FBXO34: variants seen among roughly 807,000 people sequenced by gnomAD.
FBXO34 encodes F-box protein 34, also known as F-box only protein 34.
Under a neutral mutation model 24.5 loss-of-function variants are expected in FBXO34, and 12 were observed. The observed-to-expected ratio is 0.49, with a 90% CI of 0.31 to 0.79. The LOEUF is 0.79. Ranked by LOEUF, FBXO34 falls within the 30% of genes least tolerant of loss-of-function variation. The pLI is 0.04. For missense variants in FBXO34, 823 were observed against 857.7 expected (o/e 0.96, Z 0.51); for synonymous variants, 320 against 311.9 (o/e 1.03, Z -0.27).
chr14:55,398,597 T>C, the FBXO34 span, among the ~76,000 whole-genome samples: 1 of 151,866 alleles, frequency 6.6e-6, no homozygotes, highest in East Asian at 1.9e-4. Context: ...TTATTGTTTC[T>C]AATTTAATTC....
intron 1 of FBXO34, among the ~76,000 whole-genome samples, chr14:55,306,721 T>C (rs1264291759): frequency 6.6e-6 from 1 of 152,168 alleles, no homozygotes; most frequent in Non-Finnish European, 1.5e-5. Context: ...TAATCCCAGC[T>C]GTTCGGGAGG....
the FBXO34 span, chr14:55,391,244 G>A: frequency 1.6e-5 from 5 of 312,064 alleles, no homozygotes; most frequent in South Asian, 1.7e-4. Context: ...GGGAGGCCAA[G>A]GAGGGCAGAT....
chr14:55,290,192 G>C (rs1000532821), intron 1 of FBXO34, among the ~76,000 whole-genome samples: 4 of 151,960 alleles, frequency 2.6e-5, no homozygotes, highest in African/African-American at 4.8e-5. Context: ...TCAGGAGTTT[G>C]AGACCAGCCT....
At chr14:55,357,702 A>G (rs1322279735), downstream of FBXO34, among the ~76,000 whole-genome samples, 2 of 152,220 alleles carry the variant, frequency 1.3e-5, no homozygotes, top group Non-Finnish European at 2.9e-5. Flanking sequence ...AGCCCCTGCT[A>G]TTCAGGAGGC....
the FBXO34 span, among the ~76,000 whole-genome samples, chr14:55,398,255 T>G: frequency 6.6e-6 from 1 of 152,136 alleles, no homozygotes; most frequent in Non-Finnish European, 1.5e-5. Flanking sequence ...CCAGCATAGT[T>G]ATTATTTTCT....
At chr14:55,298,570 G>T in intron 1 of FBXO34, 1 of 708,338 alleles carries the variant, frequency 1.4e-6, no homozygotes, top group Non-Finnish European at 2.4e-6. Flanking sequence ...AAGCAAATTT[G>T]GCAGGGTGGA....
At chr14:55,367,567 A>C (rs892288796) in exon 3 of FBXO34, 4 of 152,234 alleles carry the variant, frequency 2.6e-5, no homozygotes, top group African/African-American at 9.7e-5. Context: ...ACATGGTGAA[A>C]ACCCCCGTCT....
the FBXO34 span, among the ~76,000 whole-genome samples, chr14:55,420,469 T>G: frequency 6.6e-6 from 1 of 152,230 alleles, no homozygotes; most frequent in Non-Finnish European, 1.5e-5. Flanking sequence ...CTAGGCTAAA[T>G]AGTTTAAGAC....
the FBXO34 span, among the ~76,000 whole-genome samples, chr14:55,410,284 T>C: frequency 6.6e-6 from 1 of 152,208 alleles, no homozygotes; most frequent in Non-Finnish European, 1.5e-5. Flanking sequence ...GATACAAGTC[T>C]GGCAGTCTTA....
At chr14:55,318,085 C>A (rs1020006274) in intron 1 of FBXO34, 5 of 151,798 alleles carry the variant, frequency 3.3e-5, no homozygotes, top group African/African-American at 9.7e-5. Flanking sequence ...TATCTGAGTT[C>A]TTTAACTCTT....
At chr14:55,399,061 T>A in the FBXO34 span, among the ~76,000 whole-genome samples, 2 of 152,164 alleles carry the variant, frequency 1.3e-5, no homozygotes. Context: ...GACAAAGAAG[T>A]CTTTCTAAAA....
intron 1 of FBXO34, among the ~76,000 whole-genome samples, chr14:55,323,058 G>A (rs1337991810): frequency 1.4e-5 from 2 of 144,036 alleles, no homozygotes; most frequent in African/African-American, 2.6e-5. Context: ...GATGGTGGGT[G>A]CCTGTAGTCC....
At chr14:55,401,004 C>T in the FBXO34 span, among the ~76,000 whole-genome samples, 1 of 151,956 alleles carries the variant, frequency 6.6e-6, no homozygotes, top group African/African-American at 2.4e-5. Flanking sequence ...GTGGGCAATC[C>T]TCAAATTTCC....
chr14:55,422,156 T>A, the FBXO34 span, among the ~76,000 whole-genome samples: 1 of 152,160 alleles, frequency 6.6e-6, no homozygotes, highest in Non-Finnish European at 1.5e-5. Flanking sequence ...AAAGGAGTCA[T>A]CCAAAATTAA....
chr14:55,277,074 C>A (rs989344306), intron 1 of FBXO34, among the ~76,000 whole-genome samples: 43 of 152,214 alleles, frequency 2.8e-4, no homozygotes, highest in African/African-American at 1.0e-3. Flanking sequence ...CAAGTTCATA[C>A]ATCTGTGTAA....
At chr14:55,398,853 C>CAA in the FBXO34 span, among the ~76,000 whole-genome samples, 11 of 130,778 alleles carry the variant, frequency 8.4e-5, no homozygotes, top group Middle Eastern at 3.8e-3. Context: ...AGGGCATGGA[C>CAA]AAAAAAAAAA....
intron 1 of FBXO34, among the ~76,000 whole-genome samples, chr14:55,309,850 C>G (rs1053175169): frequency 6.6e-6 from 1 of 152,112 alleles, no homozygotes; most frequent in African/African-American, 2.4e-5. Flanking sequence ...CTTTGGTGAG[C>G]CTGTTATTCC....
intron 1 of FBXO34, among the ~76,000 whole-genome samples, chr14:55,297,205 A>G (rs1882168132): frequency 6.6e-6 from 1 of 152,196 alleles, no homozygotes; most frequent in Non-Finnish European, 1.5e-5. Context: ...TTGTTAGGAA[A>G]GTGATTTGGG....
chr14:55,323,539 C>T (rs1483951140), intron 1 of FBXO34, among the ~76,000 whole-genome samples: 4 of 151,708 alleles, frequency 2.6e-5, no homozygotes, highest in Admixed American at 6.6e-5. Flanking sequence ...CGTGCCACCA[C>T]GTCCAGCTAA....
Sources: allele counts gnomAD v4.1 joint callset (sites outside exome capture counted in the v4.1 genomes callset), GRCh38; gene constraint gnomAD v4.1.1; transcripts MANE v1.5; gene names NCBI Gene and HGNC (gene_info 2026-07-23, HGNC 2026-07-21).